Variants in KRT38 observed in about 807,000 individuals in gnomAD.
The protein encoded by KRT38 is keratin 38, also known as keratin, type I cuticular Ha8.
In KRT38, 45 loss-of-function variants were observed where a neutral mutation model predicts 43.1. The ratio of observed to expected loss-of-function variants is 1.04; its 90% CI spans 0.82 to 1.34. The LOEUF (loss-of-function observed/expected upper bound fraction) is 1.34. Among genes scored for constraint, KRT38 ranks in the 40% most tolerant of loss-of-function variants. The pLI, the probability that KRT38 is intolerant of heterozygous loss-of-function variation, is 0.00. For synonymous variants in KRT38, 258 were observed against 244.0 expected (o/e 1.06, Z -0.53); for missense variants, 627 against 586.2 (o/e 1.07, Z -0.72).
rs948856358 is a variant in KRT38 at position 41,440,698 on chromosome 17, G to T, written c.224C>A (p.Thr75Asn). 9.9e-6 allele frequency: 16 copies of T among 1,614,136 alleles called. No homozygotes were observed. The Admixed American group carries it at 1.7e-4, about 17-fold the overall frequency. ...PSLCLPPTCH[T>N]ACPLPGTCHI... ...GCAGGTCCCTGGCAAGGGACAAGCA[G>T]TGTGGCAGGTAGGCGGCAGACAGAG... Residue 75 changes from threonine (T) to asparagine (N), a missense_variant, in exon 1 of 7, where the codon ACT (threonine) becomes AAT (asparagine). By Grantham distance (65) the Thr-to-Asn change is moderately conservative. Coordinates refer to ENST00000246646, the MANE Select transcript of KRT38 (RefSeq NM_006771.4).
rs976087043 is a variant in KRT38 at position 41,437,277 on chromosome 17, C to T, written c.*135G>A. On this transcript the variant is annotated 3_prime_UTR_variant, in exon 7 of 7. Coordinates refer to ENST00000246646, the MANE Select transcript of KRT38 (RefSeq NM_006771.4). ...AGGAAGGATTTCCATCAAGATTCCACTGTCCCTGGTATCTCATAGCCTTTG... is the reference window on the plus strand; with the variant it reads ...AGGAAGGATTTCCATCAAGATTCCATTGTCCCTGGTATCTCATAGCCTTTG... The T allele has an allele frequency of 1.1e-6, 1 of 878,396 alleles. No homozygotes were observed. Among genetic ancestry groups the T allele is most frequent in the Admixed American group, 4.2e-5 (1 of 23,602 alleles). The allele number at this position is 878,396 out of a possible 1,614,324, so 54.4% of individuals were successfully genotyped here.
chr17:41,437,987 T>C, intron 6 of KRT38, 106 bp downstream of exon 6: 1 of 1,076,056 alleles, frequency 9.3e-7, no homozygotes, highest in South Asian at 1.5e-5. Context: ...TGAAAAGGAG[T>C]GCACAGAGAG....
At position 41,440,574 on chromosome 17, in the gene KRT38, G is replaced by A. The variant is rs755270689; in HGVS notation, c.348C>T (p.Ala116=). 2 of 1,614,224 alleles carry A rather than the reference G, an allele frequency of 1.2e-6. No homozygotes were observed. Among genetic ancestry groups the A allele is most frequent in the South Asian group, 1.1e-5 (1 of 91,082 alleles). ...ETMQFLNDRL[A]NYLEKVRQLE... Reference sequence around the variant, plus strand: ...GCTGGCGCACCTTCTCCAGGTAGTTGGCCAGGCGGTCATTCAGGAACTGCA... The same window carrying A: ...GCTGGCGCACCTTCTCCAGGTAGTTAGCCAGGCGGTCATTCAGGAACTGCA... The change falls in exon 1 of 7, where the codon GCC becomes GCT. Residue 116 remains alanine (A), a synonymous_variant. Transcript: ENST00000246646.
rs759958464 is a variant in KRT38, at chr17:41,440,177, C to G, written c.559G>C (p.Asp187His). ...VQIDNAKLAA[D>H]DFRIKLESER... The stretch of plus-strand genomic sequence containing the variant: ...CTGACTTACTTGATCCTAAAGTCAT[C>G]GGCAGCCAGCTTGGCATTGTCAATT... The change falls in exon 2 of 7, where the codon GAT becomes CAT. Residue 187 changes from aspartate to histidine, a missense_variant. By Grantham distance (81) the Asp-to-His change is moderately conservative (BLOSUM62 -1). Coordinates refer to ENST00000246646, the MANE Select transcript of KRT38 (RefSeq NM_006771.4). 6.2e-7 allele frequency: 1 copy of G among 1,614,042 alleles called. No individual in the cohort carries two copies. The highest frequency in any genetic ancestry group is 2.2e-5 in the East Asian group (1 of 44,896).
chr17:41,438,840 T>G lies in KRT38; in HGVS notation c.751A>C (p.Ser251Arg), dbSNP rs764154156. 7 of 1,614,118 alleles carry G rather than the reference T, an allele frequency of 4.3e-6. No individual in the cohort carries two copies. Among genetic ancestry groups the G allele is most frequent in the Non-Finnish European group, 5.9e-6 (7 of 1,179,982 alleles). Residue 251 changes from serine (S) to arginine (R), a missense_variant, in exon 4 of 7, where the codon AGT (serine) becomes CGT (arginine). Coordinates refer to ENST00000246646, the MANE Select transcript of KRT38 (RefSeq NM_006771.4). ...ATCCGGAGCTTCTCCCCCAGCTGACTCCTCAGAATCTTTACTTCCTGCAGA... is the reference window on the plus strand; with the variant it reads ...ATCCGGAGCTTCTCCCCCAGCTGACGCCTCAGAATCTTTACTTCCTGCAGA... ...NHEQEVKILRSQLGEKLRIEL... is the reference protein window; with the variant it reads ...NHEQEVKILRRQLGEKLRIEL...
intron 1 of KRT38, 35 bp downstream of exon 1, chr17:41,440,395 C>A: frequency 6.2e-7 from 1 of 1,605,692 alleles, no homozygotes. Flanking sequence ...TCTGCCATCT[C>A]AGACCCAGCA....
Position 41,440,842 on chromosome 17 carries a change from G to A in KRT38, c.80C>T (p.Pro27Leu), listed in dbSNP as rs1360976174. ...APGARNVSVS[P>L]IDIGCQPGAE... ...CCCAGGCTGGCACCCAATGTCGATG[G>A]GAGAGACAGAGACATTTCTTGCTCC... Residue 27 changes from proline to leucine, a missense_variant, in exon 1 of 7, where the codon CCC (proline) becomes CTC (leucine). Coordinates refer to ENST00000246646, the MANE Select transcript of KRT38 (RefSeq NM_006771.4). 4.4e-6 allele frequency: 7 copies of A among 1,597,604 alleles called. No individual in the cohort carries two copies. The highest frequency in any genetic ancestry group is 1.7e-5 in the Admixed American group (1 of 58,850).
chr17:41,436,265 G>T lies in KRT38; in HGVS notation c.*1147C>A, dbSNP rs116642826. Reference sequence around the variant, plus strand: ...TAATCTTGGGTAAGCATTTTGATTGGGAAAACAACAGATACAGAGGCAAGT... The same window carrying T: ...TAATCTTGGGTAAGCATTTTGATTGTGAAAACAACAGATACAGAGGCAAGT... On this transcript the variant is annotated 3_prime_UTR_variant, in exon 7 of 7. Coordinates refer to ENST00000246646, the MANE Select transcript of KRT38 (RefSeq NM_006771.4). 8.5e-4 allele frequency among the ~76,000 whole-genome samples: 130 copies of T among 152,284 alleles called. No homozygotes were observed. The highest frequency in any genetic ancestry group is 3.0e-3 in the African/African-American group (124 of 41,560).
Position 41,436,650 on chromosome 17 carries a change from A to G in KRT38, c.*762T>C, listed in dbSNP as rs112468334. On this transcript the variant is annotated 3_prime_UTR_variant, in exon 7 of 7. Coordinates refer to ENST00000246646, the MANE Select transcript of KRT38 (RefSeq NM_006771.4). ...GTTTAGATTTTAGACTGGGAGAATT[A>G]GACAGGGACAGGGGTTATAGCCAGA... 3 of 152,272 alleles carry G rather than the reference A, an allele frequency of 2.0e-5. No individual in the cohort carries two copies. Among genetic ancestry groups the G allele is most frequent in the African/African-American group, 7.2e-5 (3 of 41,478 alleles). 9.4% of individuals were successfully genotyped at this position (152,272 alleles called of 1,614,324 possible).
At position 41,438,243 on chromosome 17, in the gene KRT38, C is replaced by G; in HGVS notation, c.1091G>C (p.Ser364Thr). 1 of 1,614,174 alleles carries G rather than the reference C, an allele frequency of 6.2e-7. No homozygotes were observed. The change falls in exon 6 of 7, where the codon AGC (serine) becomes ACC (threonine). Residue 364 changes from serine (S) to threonine (T), a missense_variant. Physicochemically the swap from Ser to Thr is moderately conservative, Grantham distance 58. Coordinates refer to ENST00000246646, the MANE Select transcript of KRT38 (RefSeq NM_006771.4). ...RFGTELAQMQ[S>T]LISNVEEQLS... The stretch of plus-strand genomic sequence containing the variant: ...CTGCTCCTCCACGTTGCTGATGAGG[C>G]TCTGCATCTGGGCCAGCTCCGTGCC...
rs1215612147 is a variant in KRT38 at position 41,437,255 on chromosome 17, A to C, written c.*157T>G. ...CTGGGAAAACCAAGAGCAGGAAAGG[A>C]AGGATTTCCATCAAGATTCCACTGT... On this transcript the variant is annotated 3_prime_UTR_variant, in exon 7 of 7. Transcript: ENST00000246646. 1 of 751,260 alleles carries C rather than the reference A, an allele frequency of 1.3e-6. No individual in the cohort carries two copies. Among genetic ancestry groups the C allele is most frequent in the African/African-American group, 1.8e-5 (1 of 54,608 alleles). The allele number at this position is 751,260 out of a possible 1,614,324, so 46.5% of individuals were successfully genotyped here.
At chr17:41,438,665 G>A in intron 4 of KRT38, 32 bp downstream of exon 4, 1 of 1,581,566 alleles carries the variant, frequency 6.3e-7, no homozygotes, top group African/African-American at 1.4e-5. Context: ...TGGAGGCCAG[G>A]TACCCCCTGG....
rs761736391 is a variant in KRT38 at position 41,438,125 on chromosome 17, C to T, written c.1209G>A (p.Thr403=). 3.1e-5 allele frequency: 50 copies of T among 1,614,038 alleles called. No individual in the cohort carries two copies. In the Middle Eastern group the frequency reaches 4.9e-4, roughly 16 times the overall value. The part of the protein sequence containing the change: ...VKTRLENEIA[T]YRNLLESEDC... ...CCTCGCTTTCCAGAAGGTTCCGGTA[C>T]GTGGCAATCTCATTCTCCAGCCGGG... Residue 403 remains threonine, a synonymous_variant, in exon 6 of 7, where the codon ACG becomes ACA. Coordinates refer to ENST00000246646, the MANE Select transcript of KRT38 (RefSeq NM_006771.4).
Position 41,439,230 on chromosome 17 carries a change from C to T in KRT38, c.705G>A (p.Gln235=), listed in dbSNP as rs758585269. 2.5e-6 allele frequency: 4 copies of T among 1,614,014 alleles called. No individual in the cohort carries two copies. Among genetic ancestry groups the T allele is most frequent in the Admixed American group, 1.7e-5 (1 of 60,004 alleles). Residue 235 remains glutamine, a synonymous_variant, in exon 3 of 7, where the codon CAG becomes CAA. Coordinates refer to ENST00000246646, the MANE Select transcript of KRT38 (RefSeq NM_006771.4). The part of the protein sequence containing the change: ...EAQQESLKEE[Q]LSLKSNHEQE... ...GCTCGTGGTTGCTCTTGAGGGAGAG[C>T]TGCTCCTCCTTCAGGGACTCCTGCT...
Position 41,440,664 on chromosome 17 carries a change from A to G in KRT38, c.258T>C (p.Pro86=), listed in dbSNP as rs145682130. ...ACPLPGTCHI[P]GNIGICGAYG... Reference sequence around the variant, plus strand: ...AGGCCCCACAGATTCCAATGTTGCCAGGAATGTGGCAGGTCCCTGGCAAGG... The same window carrying G: ...AGGCCCCACAGATTCCAATGTTGCCGGGAATGTGGCAGGTCCCTGGCAAGG... Residue 86 remains proline, a synonymous_variant, in exon 1 of 7, where the codon CCT becomes CCC. Coordinates refer to ENST00000246646, the MANE Select transcript of KRT38 (RefSeq NM_006771.4). 4.8e-5 allele frequency: 77 copies of G among 1,614,048 alleles called. No homozygotes were observed. Among genetic ancestry groups the G allele is most frequent in the Non-Finnish European group, 1.4e-5 (16 of 1,180,030 alleles).
At position 41,436,774 on chromosome 17, in the gene KRT38, G is replaced by T. The variant is rs1351011888; in HGVS notation, c.*638C>A. On this transcript the variant is annotated 3_prime_UTR_variant, in exon 7 of 7. Transcript: ENST00000246646. ...AAGAAGCTATGGAAGCCATATGTAA[G>T]AGGCTGTGTTGCCACAGAAAAGGCA... is the stretch of plus-strand genomic sequence containing the variant. 1 of 152,222 alleles carries T rather than the reference G, an allele frequency of 6.6e-6. No homozygotes were observed. The highest frequency in any genetic ancestry group is 1.5e-5 in the Non-Finnish European group (1 of 68,038). The allele number at this position is 152,222 out of a possible 1,614,324, so 9.4% of individuals were successfully genotyped here.
rs189898879 is a variant in KRT38 at position 41,439,112 on chromosome 17, G to A, written c.732+91C>T. Reference sequence around the variant, plus strand: ...TCAGCCCTGCATCCTGATGCCAGCTGAGGCCAGGCAATGCTCTGAGAGCCC... The same window carrying A: ...TCAGCCCTGCATCCTGATGCCAGCTAAGGCCAGGCAATGCTCTGAGAGCCC... On this transcript the variant is annotated intron_variant, in intron 3 of 6. Transcript: ENST00000246646. 1.6e-4 allele frequency: 236 copies of A among 1,474,242 alleles called. 2 individuals are homozygous for A. In the East Asian group the frequency reaches 4.9e-3, roughly 31 times the overall value. The allele number at this position is 1,474,242 out of a possible 1,614,324, so 91.3% of individuals were successfully genotyped here.
chr17:41,437,972 C>T, intron 6 of KRT38, 121 bp downstream of exon 6: 1 of 927,088 alleles, frequency 1.1e-6, no homozygotes, highest in East Asian at 2.6e-5. Flanking sequence ...AGGGCAACGA[C>T]TCACTGAAAA....
chr17:41,440,071 AT>A (rs2018777385), intron 2 of KRT38, 89 bp downstream of exon 2: 3 of 1,052,280 alleles, frequency 2.9e-6, no homozygotes, highest in Admixed American at 2.2e-5. Flanking sequence ...CAAGGAAGAA[AT>A]GACAATGATT....
Sources: gnomAD v4.1 joint callset for allele counts (sites outside exome capture counted in the v4.1 genomes callset) on GRCh38, gnomAD v4.1.1 for gene constraint, MANE v1.5 for transcripts, NCBI Gene and HGNC (gene_info 2026-07-23, HGNC 2026-07-21) for gene names.